Variants in LRRC37A2 observed in about 807,000 individuals in gnomAD.
LRRC37A2 encodes leucine-rich repeat-containing protein 37A2.
LRRC37A2 carries 9 observed loss-of-function variants against 68.8 expected under a neutral mutation model. The observed-to-expected ratio is 0.13, with a 90% CI of 0.08 to 0.23. The LOEUF is 0.23. Among genes scored for constraint, LRRC37A2 ranks in the 10% least tolerant of loss-of-function variants. The pLI is 1.00. For synonymous variants in LRRC37A2, 63 were observed against 367.6 expected, an observed-to-expected ratio of 0.17 and a Z score of 9.48; for missense variants, 168 against 950.4, an observed-to-expected ratio of 0.18 and a Z score of 10.82.
At chr17:46,728,760 T>G in the LRRC37A2 span, 1 of 823,742 alleles carries the variant, frequency 1.2e-6, no homozygotes. Context: ...AGGGACTGTG[T>G]TTACTTTTGA....
chr17:46,764,465 G>A, the LRRC37A2 span: 2 of 152,364 alleles, frequency 1.3e-5, no homozygotes, highest in African/African-American at 2.4e-5. Flanking sequence ...GAGCCTCCCC[G>A]TCCACAGGCG....
At chr17:46,779,053 T>TCACACA in the LRRC37A2 span, among the ~76,000 whole-genome samples, 6,892 of 100,526 alleles carry the variant, frequency 0.069, 302 homozygotes, top group Middle Eastern at 0.15. Context: ...CCCTACCCCA[T>TCACACA]CACACACACA....
the LRRC37A2 span, among the ~76,000 whole-genome samples, chr17:46,734,623 T>A: frequency 6.6e-6 from 1 of 152,166 alleles, no homozygotes; most frequent in Admixed American, 6.6e-5. Context: ...AGAAAGATAA[T>A]GTATAGTGAA....
chr17:46,924,697 C>A, the LRRC37A2 span, among the ~76,000 whole-genome samples: 1 of 152,244 alleles, frequency 6.6e-6, no homozygotes, highest in East Asian at 1.9e-4. Context: ...TTTGTAATGA[C>A]AGAATTTTCT....
At chr17:46,988,766 G>A in the LRRC37A2 span, among the ~76,000 whole-genome samples, 1 of 152,178 alleles carries the variant, frequency 6.6e-6, no homozygotes, top group African/African-American at 2.4e-5. Flanking sequence ...CCCTGGGGCT[G>A]GAGATAAAGG....
At chr17:46,777,243 G>A in the LRRC37A2 span, among the ~76,000 whole-genome samples, 2 of 152,346 alleles carry the variant, frequency 1.3e-5, no homozygotes, top group South Asian at 2.1e-4. Flanking sequence ...AGCAGAGGCC[G>A]TGAAAGAGGA....
the LRRC37A2 span, chr17:47,019,845 A>G: frequency 1.7e-6 from 2 of 1,164,458 alleles, no homozygotes; most frequent in Non-Finnish European, 2.5e-6. Flanking sequence ...CCTGCCTGAC[A>G]TGGCAGCCTT....
chr17:46,819,821 A>G, the LRRC37A2 span, among the ~76,000 whole-genome samples: 1 of 152,160 alleles, frequency 6.6e-6, no homozygotes, highest in Non-Finnish European at 1.5e-5. The surrounding 1 kb of genome is among the most constrained non-coding windows in gnomAD (Gnocchi z 5.3). Flanking sequence ...AGAGCGAGGA[A>G]TTAGGTCTCA....
At chr17:46,783,206 A>C in the LRRC37A2 span, among the ~76,000 whole-genome samples, 1 of 152,170 alleles carries the variant, frequency 6.6e-6, no homozygotes, top group Non-Finnish European at 1.5e-5. Flanking sequence ...GCTGGGACCC[A>C]AGGTCTTGAG....
the LRRC37A2 span, chr17:46,770,131 G>C: frequency 6.9e-7 from 1 of 1,450,824 alleles, no homozygotes; most frequent in Non-Finnish European, 9.1e-7. Context: ...GCCAGGACGT[G>C]AGGGGAACGA....
At chr17:46,609,984 G>A in the LRRC37A2 span, among the ~76,000 whole-genome samples, 5 of 142,046 alleles carry the variant, frequency 3.5e-5, 1 homozygote, top group Non-Finnish European at 7.9e-5. Flanking sequence ...ACCAAGCCAG[G>A]CTAATTTATT....
At chr17:46,923,196 G>T in the LRRC37A2 span, 2 of 1,547,272 alleles carry the variant, frequency 1.3e-6, no homozygotes, top group South Asian at 1.2e-5. Flanking sequence ...CGGCGACATG[G>T]ATCCCCTGTT....
At chr17:46,984,954 G>A in the LRRC37A2 span, among the ~76,000 whole-genome samples, 3 of 152,106 alleles carry the variant, frequency 2.0e-5, no homozygotes, top group African/African-American at 7.2e-5. Context: ...TTTATTTTCT[G>A]AAGTGGTTTT....
the LRRC37A2 span, among the ~76,000 whole-genome samples, chr17:46,494,240 C>T: frequency 0.088 from 12,207 of 138,650 alleles, 5 homozygotes; most frequent in Non-Finnish European, 0.14. Flanking sequence ...CCCATCTGTG[C>T]CTTGTGTTTC....
the LRRC37A2 span, among the ~76,000 whole-genome samples, chr17:46,875,743 G>T: frequency 6.6e-6 from 1 of 152,162 alleles, no homozygotes; most frequent in South Asian, 2.1e-4. Context: ...TCCATCTAGA[G>T]CAACTGCCCA....
chr17:47,005,913 G>A, the LRRC37A2 span: 1 of 152,176 alleles, frequency 6.6e-6, no homozygotes, highest in South Asian at 2.1e-4. Flanking sequence ...GATATGTAAT[G>A]CTGTCTTTCT....
chr17:46,553,010 G>A (rs1186223524), intron 11 of LRRC37A2, among the ~76,000 whole-genome samples: 25 of 143,196 alleles, frequency 1.7e-4, no homozygotes, highest in Non-Finnish European at 1.2e-4. Context: ...AGCTGTGATC[G>A]TGACACCGCA....
At chr17:46,855,034 T>A in the LRRC37A2 span, among the ~76,000 whole-genome samples, 21 of 152,254 alleles carry the variant, frequency 1.4e-4, 1 homozygote, top group Non-Finnish European at 2.8e-4. Flanking sequence ...AGGATGGGTG[T>A]AAATAGTTCC....
the LRRC37A2 span, among the ~76,000 whole-genome samples, chr17:46,960,561 A>C: frequency 6.6e-6 from 1 of 152,256 alleles, no homozygotes; most frequent in Non-Finnish European, 1.5e-5. Flanking sequence ...ACTCTACATG[A>C]GGATTTATTT....
Sources: gnomAD v4.1 joint callset for allele counts (sites outside exome capture counted in the v4.1 genomes callset) on GRCh38, gnomAD v4.1.1 for gene constraint, Gnocchi (gnomAD v3.1) non-coding constraint, MANE v1.5 for transcripts, NCBI Gene and HGNC (gene_info 2026-07-23, HGNC 2026-07-21) for gene names.